The following COL14A1 variants were observed in gnomAD, a reference collection of about 807,000 sequenced individuals.
The protein encoded by COL14A1 is collagen type XIV alpha 1 chain.
COL14A1 carries 136 observed loss-of-function variants against 230.3 expected under a neutral mutation model. The observed-to-expected ratio is 0.59, with a 90% CI of 0.51 to 0.68. The LOEUF (loss-of-function observed/expected upper bound fraction) is 0.68. COL14A1 is among the 30% of genes least tolerant of loss of function. The probability of loss-of-function intolerance (pLI) is 0.00; values close to 1 mark genes in which losing one functional copy is unlikely to be tolerated. For missense variants in COL14A1, 1,976 were observed against 2,215.8 expected (o/e 0.89, Z 2.17); for synonymous variants, 792 against 784.1 (o/e 1.01, Z -0.17).
chr8:120,133,398 A>G (rs532135809), intron 1 of COL14A1, among the ~76,000 whole-genome samples: 18 of 152,140 alleles, frequency 1.2e-4, no homozygotes, highest in Non-Finnish European at 2.4e-4. Flanking sequence ...ACTTATTGAT[A>G]TGAATAGCAT....
At chr8:120,194,166 G>A (rs1015556312) in intron 5 of COL14A1, among the ~76,000 whole-genome samples, 13 of 152,194 alleles carry the variant, frequency 8.5e-5, no homozygotes, top group African/African-American at 1.4e-4. Flanking sequence ...GCTGTCGACC[G>A]GAGCCATTCC....
At chr8:120,254,247 C>T (rs1015697062) in intron 22 of COL14A1, among the ~76,000 whole-genome samples, 1 of 152,104 alleles carries the variant, frequency 6.6e-6, no homozygotes, top group Non-Finnish European at 1.5e-5. Flanking sequence ...TAAACACTGG[C>T]TACCTACTTT....
chr8:120,229,784 A>T (rs1818212063), intron 18 of COL14A1, among the ~76,000 whole-genome samples: 1 of 152,122 alleles, frequency 6.6e-6, no homozygotes, highest in African/African-American at 2.4e-5. Flanking sequence ...TTGTTTCCTG[A>T]CTTTTTAATG....
chr8:120,359,916 A>G (rs1823130466), intron 45 of COL14A1, among the ~76,000 whole-genome samples: 1 of 151,116 alleles, frequency 6.6e-6, no homozygotes, highest in Non-Finnish European at 1.5e-5. Context: ...CACTCTTCCT[A>G]CTTCTCCTCT....
At chr8:120,192,377 A>T (rs1816858490) in intron 5 of COL14A1, among the ~76,000 whole-genome samples, 2 of 151,890 alleles carry the variant, frequency 1.3e-5, no homozygotes. Flanking sequence ...ATTGGCCCCC[A>T]CTCTCTTCTG....
chr8:120,338,922 G>C (rs1470249137), intron 42 of COL14A1, among the ~76,000 whole-genome samples: 1 of 152,098 alleles, frequency 6.6e-6, no homozygotes, highest in Non-Finnish European at 1.5e-5. Flanking sequence ...CTGTCCATTT[G>C]TGAAGCCTAA....
In COL14A1 at chr8:120,235,320, C is replaced by T. The variant is rs1818405563; in HGVS notation, c.2349+3702C>T. 2.6e-5 allele frequency among the ~76,000 whole-genome samples: 4 copies of T among 152,078 alleles called. No homozygotes were observed. In the South Asian group the frequency reaches 8.3e-4, roughly 32 times the overall value. On this transcript the variant is annotated intron_variant, in intron 19 of 47. Coordinates refer to ENST00000297848, the MANE Select transcript of COL14A1 (RefSeq NM_021110.4). ...GAGTTGCTGGGACTACAGGCACCTC[C>T]CACCATGCCCGGCTAATTTTTGTTT... is the stretch of plus-strand genomic sequence containing the variant.
chr8:120,348,645 CA>C (rs923343366), intron 45 of COL14A1, among the ~76,000 whole-genome samples: 12 of 152,214 alleles, frequency 7.9e-5, no homozygotes, highest in African/African-American at 2.9e-4. Context: ...CTTATGTAAC[CA>C]AACACCACCT....
At chr8:120,229,797 T>C (rs912007979) in intron 18 of COL14A1, among the ~76,000 whole-genome samples, 8 of 152,324 alleles carry the variant, frequency 5.3e-5, no homozygotes, top group Middle Eastern at 3.4e-3. Context: ...TTTTAATGAT[T>C]GCCATTCTAA....
At chr8:120,154,571 T>C (rs1284505100) in intron 2 of COL14A1, among the ~76,000 whole-genome samples, 1 of 152,132 alleles carries the variant, frequency 6.6e-6, no homozygotes, top group African/African-American at 2.4e-5. Context: ...ACAGATCTTA[T>C]ATCAGGCCTA....
chr8:120,322,913 T>A (rs1322595552), intron 40 of COL14A1, among the ~76,000 whole-genome samples: 1 of 152,234 alleles, frequency 6.6e-6, no homozygotes, highest in Non-Finnish European at 1.5e-5. Context: ...TTTGGGCGTA[T>A]GCCCAGTAAT....
chr8:120,298,791 TA>T, intron 35 of COL14A1, among the ~76,000 whole-genome samples: 1 of 150,970 alleles, frequency 6.6e-6, no homozygotes, highest in Middle Eastern at 3.4e-3. Context: ...GATTTGACCT[TA>T]TAACCGTATT....
intron 20 of COL14A1, among the ~76,000 whole-genome samples, chr8:120,246,943 C>T (rs2129646909): frequency 6.6e-6 from 1 of 152,284 alleles, no homozygotes; most frequent in Middle Eastern, 3.4e-3. Flanking sequence ...TATGAACACA[C>T]CCCCAGTATT....
At chr8:120,290,717 C>G (rs1820348995) in intron 34 of COL14A1, among the ~76,000 whole-genome samples, 1 of 152,168 alleles carries the variant, frequency 6.6e-6, no homozygotes, top group Admixed American at 6.5e-5. Flanking sequence ...ACCCATGGTT[C>G]TAATTCCACT....
At chr8:120,226,478 G>C in intron 15 of COL14A1, 149 bp from the exon 16 acceptor site, 1 of 637,758 alleles carries the variant, frequency 1.6e-6, no homozygotes, top group Non-Finnish European at 2.6e-6. Flanking sequence ...AGGCCACCCT[G>C]GACTGATGGG....
chr8:120,205,144 CA>C (rs1389184048), intron 9 of COL14A1, among the ~76,000 whole-genome samples: 3 of 151,978 alleles, frequency 2.0e-5, no homozygotes, highest in Non-Finnish European at 4.4e-5. Context: ...CAATTATTAC[CA>C]AAAATGTTTA....
chr8:120,216,389 G>A lies in COL14A1; in HGVS notation c.1636G>A (p.Val546Ile). The A allele has an allele frequency of 1.2e-6, 2 of 1,613,574 alleles. No homozygotes were observed. The highest frequency in any genetic ancestry group is 1.7e-6 in the Non-Finnish European group (2 of 1,179,848). ...ACCAAGAAACCTGAGAATCTCCAATGTTGGCTCTAACAGTGCTCGATTAAC... is the reference window on the plus strand; with the variant it reads ...ACCAAGAAACCTGAGAATCTCCAATATTGGCTCTAACAGTGCTCGATTAAC... ...SPPRNLRISN[V>I]GSNSARLTWD... The change falls in exon 14 of 48, where the codon GTT becomes ATT. Residue 546 changes from valine to isoleucine, a missense_variant. Transcript: ENST00000297848.
intron 5 of COL14A1, among the ~76,000 whole-genome samples, chr8:120,182,267 T>C (rs1586744444): frequency 1.3e-5 from 2 of 152,360 alleles, no homozygotes; most frequent in East Asian, 3.9e-4. Context: ...ATATTGATTT[T>C]GGCAGAGTGA....
intron 5 of COL14A1, among the ~76,000 whole-genome samples, chr8:120,189,084 T>C (rs1392787452): frequency 1.3e-5 from 2 of 152,354 alleles, no homozygotes; most frequent in Non-Finnish European, 2.9e-5. Flanking sequence ...TGCATTTCTT[T>C]AAAAAGATTC....
Sources: gnomAD v4.1 joint callset for allele counts (sites outside exome capture counted in the v4.1 genomes callset) on GRCh38, gnomAD v4.1.1 for gene constraint, MANE v1.5 for transcripts, NCBI Gene and HGNC (gene_info 2026-07-23, HGNC 2026-07-21) for gene names.